NRG3: variants seen among roughly 807,000 people sequenced by gnomAD.
NRG3 encodes the protein neuregulin 3.
A neutral mutation model predicts 66.9 loss-of-function variants in NRG3; 31 were observed. The ratio of observed to expected loss-of-function variants is 0.46; its 90% CI spans 0.35 to 0.63. The LOEUF (loss-of-function observed/expected upper bound fraction) is 0.63, where lower values mean the gene tolerates loss of function less well. Ranked by LOEUF, NRG3 falls within the 20% of genes least tolerant of loss-of-function variation. NRG3 has a pLI of 0.00. For synonymous variants in NRG3, 393 were observed against 359.4 expected (o/e 1.09, Z -1.06); for missense variants, 910 against 878.9 (o/e 1.04, Z -0.45).
At chr10:82,626,810 G>A (rs994725132) in intron 2 of NRG3, among the ~76,000 whole-genome samples, 1 of 151,934 alleles carries the variant, frequency 6.6e-6, no homozygotes, top group Non-Finnish European at 1.5e-5. Flanking sequence ...CAATTTCTTG[G>A]TACCTCTCTT....
intron 1 of NRG3, among the ~76,000 whole-genome samples, chr10:82,127,087 C>T (rs2068495148): frequency 6.6e-6 from 1 of 152,068 alleles, no homozygotes; most frequent in African/African-American, 2.4e-5. Context: ...ATGCTGGGTC[C>T]CTAACACTTG....
chr10:82,314,776 C>T (rs754899209), intron 1 of NRG3, among the ~76,000 whole-genome samples: 11 of 152,190 alleles, frequency 7.2e-5, no homozygotes, highest in Non-Finnish European at 1.5e-4. Flanking sequence ...CGCCACTGCA[C>T]TCCAGCCTGG....
intron 3 of NRG3, among the ~76,000 whole-genome samples, chr10:82,845,911 A>G (rs1564560525): frequency 6.6e-6 from 1 of 152,206 alleles, no homozygotes; most frequent in Non-Finnish European, 1.5e-5. Flanking sequence ...TCAAACTTAA[A>G]GTGCATAAGA....
intron 2 of NRG3, among the ~76,000 whole-genome samples, chr10:82,710,399 A>G (rs2056584946): frequency 6.6e-6 from 1 of 152,078 alleles, no homozygotes; most frequent in Non-Finnish European, 1.5e-5. Context: ...TAGCCTGCCC[A>G]ACATGGTAAA....
intron 4 of NRG3, among the ~76,000 whole-genome samples, chr10:82,870,131 G>A (rs2135980735): frequency 6.6e-6 from 1 of 151,336 alleles, no homozygotes; most frequent in Middle Eastern, 3.5e-3. Context: ...GCCTCCCAAA[G>A]TGCTAGGATT....
intron 1 of NRG3, among the ~76,000 whole-genome samples, chr10:82,181,131 A>G (rs1212134022): frequency 6.6e-6 from 1 of 151,528 alleles, no homozygotes; most frequent in Non-Finnish European, 1.5e-5. Context: ...AATTCTCTTC[A>G]TTTAACTATT....
chr10:82,843,525 G>T (rs1269301061), intron 3 of NRG3, among the ~76,000 whole-genome samples: 2 of 152,052 alleles, frequency 1.3e-5, no homozygotes, highest in African/African-American at 4.8e-5. Flanking sequence ...TAATGAAAAA[G>T]GAAAATGCCA....
At chr10:82,026,734 T>C (rs2062329355) in intron 1 of NRG3, among the ~76,000 whole-genome samples, 1 of 151,978 alleles carries the variant, frequency 6.6e-6, no homozygotes, top group Non-Finnish European at 1.5e-5. Flanking sequence ...TTCTTATTTC[T>C]GAAAAAGAGC....
intron 4 of NRG3, among the ~76,000 whole-genome samples, chr10:82,914,453 T>TA (rs952770258): frequency 6.6e-6 from 1 of 152,178 alleles, no homozygotes; most frequent in Non-Finnish European, 1.5e-5. Context: ...TTCCTGTAGC[T>TA]AGCAGTCAGT....
intron 2 of NRG3, among the ~76,000 whole-genome samples, chr10:82,550,128 ACTC>A (rs1170961878): frequency 6.6e-6 from 1 of 151,990 alleles, no homozygotes; most frequent in Non-Finnish European, 1.5e-5. Flanking sequence ...TGTAATATGA[ACTC>A]CTAGCATAAT....
intron 1 of NRG3, among the ~76,000 whole-genome samples, chr10:81,954,169 G>A (rs1849615250): frequency 2.0e-5 from 3 of 152,166 alleles, no homozygotes; most frequent in Admixed American, 1.3e-4. Context: ...GCTGATGAGA[G>A]TTGAGGTGGT....
chr10:82,854,538 A>AT (rs1282304482), intron 3 of NRG3, among the ~76,000 whole-genome samples: 12 of 152,160 alleles, frequency 7.9e-5, no homozygotes, highest in South Asian at 2.1e-4. Context: ...TTGAAGAATG[A>AT]TTTTTTTTCA....
chr10:82,091,215 A>T (rs1251154301), intron 1 of NRG3, among the ~76,000 whole-genome samples: 2 of 152,176 alleles, frequency 1.3e-5, no homozygotes, highest in African/African-American at 4.8e-5. Context: ...GTAGTCTTAG[A>T]TACATTCACA....
intron 2 of NRG3, among the ~76,000 whole-genome samples, chr10:82,566,357 G>A (rs1047386764): frequency 9.2e-5 from 14 of 151,692 alleles, no homozygotes; most frequent in African/African-American, 3.4e-4. Flanking sequence ...TTTCAGAATC[G>A]AAGAAAAATG....
chr10:82,375,655 C>T (rs143614137), intron 2 of NRG3, among the ~76,000 whole-genome samples: 21 of 152,162 alleles, frequency 1.4e-4, no homozygotes, highest in African/African-American at 5.1e-4. Flanking sequence ...TTCAAAGGGA[C>T]GATTCTGATT....
intron 1 of NRG3, among the ~76,000 whole-genome samples, chr10:81,994,992 G>T (rs952182648): frequency 6.6e-6 from 1 of 151,880 alleles, no homozygotes; most frequent in East Asian, 1.9e-4. Flanking sequence ...GTCTTTTTCA[G>T]ATTTCTTTCT....
At chr10:82,168,460 T>C (rs1003267834) in intron 1 of NRG3, among the ~76,000 whole-genome samples, 1 of 152,154 alleles carries the variant, frequency 6.6e-6, no homozygotes, top group African/African-American at 2.4e-5. Flanking sequence ...CATCAAAATA[T>C]GGAGAGATAG....
intron 1 of NRG3, among the ~76,000 whole-genome samples, chr10:81,943,289 G>A (rs555925031): frequency 2.6e-5 from 4 of 152,254 alleles, no homozygotes; most frequent in Admixed American, 2.6e-4. Flanking sequence ...GCTGAGGCAG[G>A]AGGACTACTT....
chr10:81,965,697 T>C (rs2059706082), intron 1 of NRG3, among the ~76,000 whole-genome samples: 1 of 152,178 alleles, frequency 6.6e-6, no homozygotes, highest in East Asian at 1.9e-4. Context: ...TAGCATTATC[T>C]AACTCCTTTA....
Sources: allele counts gnomAD v4.1 joint callset (sites outside exome capture counted in the v4.1 genomes callset), GRCh38; gene constraint gnomAD v4.1.1; transcripts MANE v1.5; gene names NCBI Gene and HGNC (gene_info 2026-07-23, HGNC 2026-07-21).